The following ZNF462 variants were observed in gnomAD, a reference collection of about 807,000 sequenced individuals.
ZNF462 encodes zinc finger PBX1-interacting protein.
ZNF462 carries 10 observed loss-of-function variants against 201.9 expected under a neutral mutation model. That is an observed-to-expected ratio of 0.05 (90% CI 0.03 to 0.08). The LOEUF (loss-of-function observed/expected upper bound fraction) is 0.08. Among genes scored for constraint, ZNF462 ranks in the 10% least tolerant of loss-of-function variants. The pLI, the probability that ZNF462 is intolerant of heterozygous loss-of-function variation, is 1.00. For synonymous variants in ZNF462, 1,227 were observed against 1,193.3 expected (o/e 1.03, Z -0.58); for missense variants, 2,523 against 3,168.3 (o/e 0.80, Z 4.89).
In ZNF462 at chr9:106,905,496, G is replaced by T. The variant is rs1829231414; in HGVS notation, c.-30-17858G>T. ...GGCCCTAGAATCCCCAAGATTATAT[G>T]CCCTTTGTCTTCCACTACTAGGGTG... On this transcript the variant is annotated intron_variant, in intron 1 of 12. Transcript: ENST00000277225. This position sits in a 1 kb window ranked among gnomAD's most constrained non-coding sequence, Gnocchi z 5.9. Among the ~76,000 whole-genome samples, 1 of 152,188 alleles carries T rather than the reference G, an allele frequency of 6.6e-6. No individual in the cohort carries two copies. The highest frequency in any genetic ancestry group is 1.5e-5 in the Non-Finnish European group (1 of 68,034).
chr9:106,982,786 A>G (rs1252031518), intron 9 of ZNF462, among the ~76,000 whole-genome samples: 1 of 152,064 alleles, frequency 6.6e-6, no homozygotes, highest in African/African-American at 2.4e-5. Context: ...TGACTGCCCT[A>G]CAATCAGAGT....
At position 107,010,235 on chromosome 9, in the gene ZNF462, A is replaced by G. The variant is rs932130897; in HGVS notation, c.7313+567A>G. Among the ~76,000 whole-genome samples the G allele has an allele frequency of 4.6e-5, 7 of 152,250 alleles. No individual in the cohort carries two copies. Among genetic ancestry groups the G allele is most frequent in the South Asian group, 2.1e-4 (1 of 4,816 alleles). ...GGATGTGGTCTTTTCAGGAGGAAAC[A>G]TGGCTTGTGTGGTGATAGGAAGCCT... On this transcript the variant is annotated intron_variant, in intron 12 of 12. Transcript: ENST00000277225. The surrounding 1 kb of genome is among the most constrained non-coding windows in gnomAD (Gnocchi z 4.6).
chr9:107,009,619 G>A lies in ZNF462; in HGVS notation c.7264G>A (p.Ala2422Thr), dbSNP rs2132785030. 6.2e-7 allele frequency: 1 copy of A among 1,613,914 alleles called. No individual in the cohort carries two copies. The highest frequency in any genetic ancestry group is 8.5e-7 in the Non-Finnish European group (1 of 1,179,946). Reference sequence around the variant, plus strand: ...TTTTCCATGTGAATTTTGTGGACGGGCGTTTTCACAGGGCTCTGAGTGGGA... The same window carrying A: ...TTTTCCATGTGAATTTTGTGGACGGACGTTTTCACAGGGCTCTGAGTGGGA... ...KRFPCEFCGR[A>T]FSQGSEWERH... The change falls in exon 12 of 13, where the codon GCG becomes ACG. Residue 2422 changes from alanine (A) to threonine (T), a missense_variant. Ala to Thr is a moderately conservative substitution (Grantham distance 58). Around this residue, in one of 15 missense-constraint regions of ZNF462, gnomAD observed 228 missense variants for 361.2 expected, o/e 0.63. Coordinates refer to ENST00000277225, the MANE Select transcript of ZNF462 (RefSeq NM_021224.6). This position sits in a 1 kb window ranked among gnomAD's most constrained non-coding sequence, Gnocchi z 6.1.
rs1157079374 is a variant in ZNF462, at chr9:106,932,757, A to G, written c.6116+208A>G. Reference sequence around the variant, plus strand: ...GGATGGCGTTAGATTTGGCAAATGCAGGCATTTTAAAAATGAGAATTGGAG... The same window carrying G: ...GGATGGCGTTAGATTTGGCAAATGCGGGCATTTTAAAAATGAGAATTGGAG... On this transcript the variant is annotated intron_variant, in intron 5 of 12. Transcript: ENST00000277225. The surrounding 1 kb of genome is among the most constrained non-coding windows in gnomAD (Gnocchi z 6.8). The G allele has an allele frequency of 3.1e-6, 2 of 640,574 alleles. No individual in the cohort carries two copies. Among genetic ancestry groups the G allele is most frequent in the South Asian group, 2.0e-5 (1 of 50,834 alleles). 39.7% of individuals were successfully genotyped at this position (640,574 alleles called of 1,614,324 possible).
In ZNF462 at chr9:106,864,069, T is replaced by G. The variant is rs1007793621; in HGVS notation, c.-31+714T>G. The stretch of plus-strand genomic sequence containing the variant: ...CTCTCTCTCTCTCTCTCTCTCTCTC[T>G]CTCTCTCTCTCTCTCTCTCTCTCTC... On this transcript the variant is annotated intron_variant, in intron 1 of 12. Transcript: ENST00000277225. 2.0e-4 allele frequency among the ~76,000 whole-genome samples: 24 copies of G among 121,914 alleles called. 1 individual carries two copies. Among genetic ancestry groups the G allele is most frequent in the African/African-American group, 7.6e-4 (23 of 30,106 alleles). The allele number at this position is 121,914 out of a possible 152,430, so 80.0% of individuals were successfully genotyped here.
chr9:106,987,815 A>G (rs1458745356), intron 10 of ZNF462, among the ~76,000 whole-genome samples: 3 of 152,152 alleles, frequency 2.0e-5, no homozygotes, highest in Non-Finnish European at 4.4e-5. Context: ...TTAAGTCCTT[A>G]ATCCATCTTG....
chr9:106,933,425 A>G lies in ZNF462; in HGVS notation c.6116+876A>G, dbSNP rs1158392449. On this transcript the variant is annotated intron_variant, in intron 5 of 12. Coordinates refer to ENST00000277225, the MANE Select transcript of ZNF462 (RefSeq NM_021224.6). This position sits in a 1 kb window ranked among gnomAD's most constrained non-coding sequence, Gnocchi z 4.3. ...CCTAATATCTAATCTTTGTCATCAG[A>G]TCCATACATTGGCATAAAACTTGAA... 6.6e-6 allele frequency among the ~76,000 whole-genome samples: 1 copy of G among 152,232 alleles called. No individual in the cohort carries two copies. Among genetic ancestry groups the G allele is most frequent in the Non-Finnish European group, 1.5e-5 (1 of 68,042 alleles).
rs1396375948 is a variant in ZNF462 at position 106,917,907 on chromosome 9, C to T, written c.-30-5447C>T. 2.6e-5 allele frequency among the ~76,000 whole-genome samples: 4 copies of T among 151,018 alleles called. No homozygotes were observed. The highest frequency in any genetic ancestry group is 5.9e-5 in the Non-Finnish European group (4 of 67,876). ...ATTTATTTATTTTGTGACAGAGTCT[C>T]ACTCTGCCACCCAGGCTGGAGTGCA... On this transcript the variant is annotated intron_variant, in intron 1 of 12. Transcript: ENST00000277225. This position sits in a 1 kb window ranked among gnomAD's most constrained non-coding sequence, Gnocchi z 4.5.
chr9:106,896,934 AC>A (rs1320332995), intron 1 of ZNF462, among the ~76,000 whole-genome samples: 1 of 152,186 alleles, frequency 6.6e-6, no homozygotes, highest in Non-Finnish European at 1.5e-5. Flanking sequence ...GTGATCACAC[AC>A]CCACACATTC....
chr9:106,972,137 C>T lies in ZNF462; in HGVS notation c.6560C>T (p.Thr2187Ile), dbSNP rs1826652631. The change falls in exon 8 of 13, where the codon ACT (threonine) becomes ATT (isoleucine). Residue 2187 changes from threonine to isoleucine, a missense_variant. Thr to Ile is a moderately conservative substitution (Grantham distance 89, BLOSUM62 -1). Around this residue, in one of 15 missense-constraint regions of ZNF462, gnomAD observed 228 missense variants for 361.2 expected, o/e 0.63. Coordinates refer to ENST00000277225, the MANE Select transcript of ZNF462 (RefSeq NM_021224.6). The surrounding 1 kb of genome is among the most constrained non-coding windows in gnomAD (Gnocchi z 4.8). ...GCTGCTGCTGGCACTGAGCAGAAAACTGAAGCCGTGCTTCACTGCGAATTC... is the reference window on the plus strand; with the variant it reads ...GCTGCTGCTGGCACTGAGCAGAAAATTGAAGCCGTGCTTCACTGCGAATTC... The part of the protein sequence containing the change: ...SGAAAGTEQK[T>I]EAVLHCEFCE... 1.2e-6 allele frequency: 2 copies of T among 1,614,244 alleles called. No homozygotes were observed. The highest frequency in any genetic ancestry group is 1.7e-6 in the Non-Finnish European group (2 of 1,180,044).
At chr9:106,967,247 CT>C (rs1192402387) in intron 7 of ZNF462, among the ~76,000 whole-genome samples, 4 of 152,088 alleles carry the variant, frequency 2.6e-5, no homozygotes, top group Non-Finnish European at 5.9e-5. Context: ...GAAGGCATCT[CT>C]CATGTCTTCT....
upstream of ZNF462, among the ~76,000 whole-genome samples, chr9:106,862,515 C>T (rs1322633009): frequency 1.3e-5 from 2 of 152,082 alleles, no homozygotes; most frequent in Admixed American, 6.6e-5. The surrounding 1 kb of genome is among the most constrained non-coding windows in gnomAD (Gnocchi z 4.2). Context: ...ATCATCTCAT[C>T]TCCCTCTTCC....
Position 106,974,245 on chromosome 9 carries a change from C to T in ZNF462, c.6804C>T (p.Asn2268=), listed in dbSNP as rs373552101. ...TCTATCACACCAAATACAAGCGCAA[C>T]ATGATTGACCACATCGTGCTGCACC... ...LCLYHTKYKR[N]MIDHIVLHRE... is the part of the protein sequence containing the mutation. Residue 2268 remains asparagine, a synonymous_variant, in exon 9 of 13, where the codon AAC becomes AAT. Transcript: ENST00000277225. The surrounding 1 kb of genome is among the most constrained non-coding windows in gnomAD (Gnocchi z 4.0). 200 of 1,614,082 alleles carry T rather than the reference C, an allele frequency of 1.2e-4. 1 individual carries two copies. Among genetic ancestry groups the T allele is most frequent in the Non-Finnish European group, 1.6e-4 (187 of 1,180,044 alleles).
chr9:106,932,568 TCA>T lies in ZNF462; in HGVS notation c.6116+21_6116+22del. On this transcript the variant is annotated intron_variant, in intron 5 of 12. Transcript: ENST00000277225. This position sits in a 1 kb window ranked among gnomAD's most constrained non-coding sequence, Gnocchi z 6.8. ...GGCACAAGTAAGTGCTATTGGGGGG[TCA>T]CTAGTGGTTACTGGGAGATGATGTC... The T allele has an allele frequency of 6.2e-7, 1 of 1,614,062 alleles. No individual in the cohort carries two copies. Among genetic ancestry groups the T allele is most frequent in the Non-Finnish European group, 8.5e-7 (1 of 1,180,004 alleles).
At position 106,927,085 on chromosome 9, in the gene ZNF462, C is replaced by T; in HGVS notation, c.3173C>T (p.Ala1058Val). The change falls in exon 3 of 13, where the codon GCT becomes GTT. Residue 1058 changes from alanine to valine, a missense_variant. Ala to Val is a moderately conservative substitution (Grantham distance 64). Transcript: ENST00000277225. ...CAGAAGAAACACCCCGAAGAAAAGG[C>T]TTCCTACTTTAGGATCCAGAAAACT... Reference protein sequence around the residue: ...HYQKKHPEEKASYFRIQKTMR... With the variant: ...HYQKKHPEEKVSYFRIQKTMR... The T allele has an allele frequency of 6.2e-7, 1 of 1,614,020 alleles. No individual in the cohort carries two copies. Among genetic ancestry groups the T allele is most frequent in the South Asian group, 1.1e-5 (1 of 91,046 alleles).
rs1829250466 is a variant in ZNF462, at chr9:106,905,880, A to C, written c.-30-17474A>C. 6.6e-6 allele frequency among the ~76,000 whole-genome samples: 1 copy of C among 151,986 alleles called. No homozygotes were observed. The highest frequency in any genetic ancestry group is 1.5e-5 in the Non-Finnish European group (1 of 67,998). ...CACACCTGTGTAGTCTGCACGCCGG[A>C]TTTATGCCCTCCCCGGAGTTCTGGC... On this transcript the variant is annotated intron_variant, in intron 1 of 12. Transcript: ENST00000277225. The surrounding 1 kb of genome is among the most constrained non-coding windows in gnomAD (Gnocchi z 5.9).
chr9:106,915,443 C>A (rs1191992387), intron 1 of ZNF462, among the ~76,000 whole-genome samples: 3 of 152,034 alleles, frequency 2.0e-5, no homozygotes, highest in Non-Finnish European at 4.4e-5. Context: ...AACTTACTTG[C>A]TAAAAGTAGA....
rs751726392 is a variant in ZNF462, at chr9:107,009,712, G to A, written c.7313+44G>A. The A allele has an allele frequency of 4.5e-6, 3 of 669,866 alleles. No individual in the cohort carries two copies. Among genetic ancestry groups the A allele is most frequent in the Non-Finnish European group, 7.8e-6 (3 of 385,242 alleles). 41.5% of individuals were successfully genotyped at this position (669,866 alleles called of 1,614,324 possible). ...AGGATGCCTTTGTCCAAAGCAAGAG[G>A]TAGGGAGGGAGGGAGGGGCTCTTGT... On this transcript the variant is annotated intron_variant, in intron 12 of 12. Coordinates refer to ENST00000277225, the MANE Select transcript of ZNF462 (RefSeq NM_021224.6). This position sits in a 1 kb window ranked among gnomAD's most constrained non-coding sequence, Gnocchi z 6.1.
chr9:106,943,914 A>G (rs552463618), intron 7 of ZNF462, among the ~76,000 whole-genome samples: 1 of 152,286 alleles, frequency 6.6e-6, no homozygotes, highest in East Asian at 1.9e-4. Context: ...ATGAAACCTT[A>G]GGGAATGCTC....
Sources: gnomAD v4.1 joint callset for allele counts (sites outside exome capture counted in the v4.1 genomes callset) on GRCh38, gnomAD v4.1.1 for gene constraint, gnomAD v4.1.1 regional missense constraint, Gnocchi (gnomAD v3.1) non-coding constraint, MANE v1.5 for transcripts, NCBI Gene and HGNC (gene_info 2026-07-23, HGNC 2026-07-21) for gene names.